KHDRBS2: variants seen among roughly 807,000 people sequenced by gnomAD.
KHDRBS2 encodes the protein KH RNA binding domain containing, signal transduction associated 2.
Under a neutral mutation model 44.3 loss-of-function variants are expected in KHDRBS2, and 26 were observed. The ratio of observed to expected loss-of-function variants is 0.59; its 90% CI spans 0.43 to 0.81. The LOEUF is 0.81. KHDRBS2 is among the 40% of genes least tolerant of loss of function. The probability of loss-of-function intolerance (pLI) is 0.00; values close to 1 mark genes in which losing one functional copy is unlikely to be tolerated. For synonymous variants in KHDRBS2, 194 were observed against 151.1 expected, an observed-to-expected ratio of 1.28 and a Z score of -2.08; for missense variants, 476 against 433.1, an observed-to-expected ratio of 1.10 and a Z score of -0.88.
the KHDRBS2 span, among the ~76,000 whole-genome samples, chr6:61,597,773 T>TATATATATATATATACATACAC: frequency 9.4e-5 from 4 of 42,352 alleles, no homozygotes; most frequent in Non-Finnish European, 1.9e-4. Context: ...TATATATATA[T>TATATATATATATATACATACAC]ACACCAAGAT....
chr6:62,146,214 T>C (rs929036761), intron 2 of KHDRBS2, among the ~76,000 whole-genome samples: 34 of 151,856 alleles, frequency 2.2e-4, no homozygotes, highest in African/African-American at 7.0e-4. Context: ...TCATTGATTA[T>C]TGTAAATTAA....
chr6:62,121,424 T>G (rs1807606682), intron 2 of KHDRBS2, among the ~76,000 whole-genome samples: 1 of 152,226 alleles, frequency 6.6e-6, no homozygotes, highest in South Asian at 2.1e-4. Context: ...TCTTGGATAA[T>G]GACAGTACAT....
chr6:61,729,995 A>G (rs1391859707), intron 7 of KHDRBS2, among the ~76,000 whole-genome samples: 2 of 152,192 alleles, frequency 1.3e-5, no homozygotes, highest in Non-Finnish European at 2.9e-5. Context: ...AGCATTGAAC[A>G]CCTGATCTAA....
intron 6 of KHDRBS2, among the ~76,000 whole-genome samples, chr6:61,826,649 A>G (rs1318689793): frequency 6.6e-6 from 1 of 152,094 alleles, no homozygotes; most frequent in Non-Finnish European, 1.5e-5. Context: ...GTATTCGTTA[A>G]TTAGTTATAA....
At chr6:61,868,073 A>C (rs1447835001) in intron 6 of KHDRBS2, among the ~76,000 whole-genome samples, 1 of 152,078 alleles carries the variant, frequency 6.6e-6, no homozygotes, top group African/African-American at 2.4e-5. Flanking sequence ...CAAACAGCAA[A>C]TGTGGCAGCC....
intron 2 of KHDRBS2, among the ~76,000 whole-genome samples, chr6:62,160,826 T>A (rs1258858406): frequency 1.3e-5 from 2 of 152,116 alleles, no homozygotes; most frequent in African/African-American, 4.8e-5. Flanking sequence ...GAAATACATA[T>A]AAAATATTAC....
At chr6:61,901,201 C>T (rs1803945476) in intron 5 of KHDRBS2, 43 bp downstream of exon 5, 1 of 1,592,766 alleles carries the variant, frequency 6.3e-7, no homozygotes, top group Non-Finnish European at 8.5e-7. Context: ...ACAAAAAAGG[C>T]CTGCCATCAT....
intron 1 of KHDRBS2, among the ~76,000 whole-genome samples, chr6:62,180,314 A>T (rs1042080735): frequency 5.9e-5 from 9 of 151,904 alleles, no homozygotes; most frequent in Non-Finnish European, 1.3e-4. Context: ...TCACGTAAAA[A>T]CTATTAGAAC....
intron 7 of KHDRBS2, among the ~76,000 whole-genome samples, chr6:61,713,132 G>C (rs1330834450): frequency 6.6e-6 from 1 of 151,482 alleles, no homozygotes. Context: ...AATATGTGTT[G>C]TATTGTCTTT....
At chr6:62,046,839 A>G (rs1007141464) in intron 3 of KHDRBS2, among the ~76,000 whole-genome samples, 1 of 151,872 alleles carries the variant, frequency 6.6e-6, no homozygotes, top group African/African-American at 2.4e-5. Flanking sequence ...TATCCCAAAG[A>G]AAGGGCTAGT....
At chr6:61,717,521 TA>T (rs1350708093) in intron 7 of KHDRBS2, among the ~76,000 whole-genome samples, 10 of 152,072 alleles carry the variant, frequency 6.6e-5, no homozygotes, top group African/African-American at 2.4e-4. Flanking sequence ...TAACCTTCTG[TA>T]AATTCAATCT....
At chr6:62,213,369 T>C (rs2150146624) in intron 1 of KHDRBS2, among the ~76,000 whole-genome samples, 1 of 151,778 alleles carries the variant, frequency 6.6e-6, no homozygotes, top group African/African-American at 2.4e-5. Flanking sequence ...ATTCTGAGAA[T>C]AGGGGTCTGT....
At position 62,285,880 on chromosome 6, in the gene KHDRBS2, A is replaced by G. The variant is rs1290491465; in HGVS notation, c.69T>C (p.His23=). Residue 23 remains histidine, a synonymous_variant, in exon 1 of 9, where the codon CAT becomes CAC. Coordinates refer to ENST00000281156, the MANE Select transcript of KHDRBS2 (RefSeq NM_152688.4). ...TACCTTCTGCCAAAAGGCGCGACGC[A>G]TGCACAAAAGATGGATCCAGGCTAT... ...EKDSLDPSFV[H]ASRLLAEEIE... 1 of 1,613,378 alleles carries G rather than the reference A, an allele frequency of 6.2e-7. No homozygotes were observed. The highest frequency in any genetic ancestry group is 8.5e-7 in the Non-Finnish European group (1 of 1,179,696).
intron 2 of KHDRBS2, among the ~76,000 whole-genome samples, chr6:62,153,036 G>C (rs1435472045): frequency 1.3e-5 from 2 of 152,200 alleles, no homozygotes; most frequent in Admixed American, 1.3e-4. Context: ...GAACAGCTTG[G>C]AGGGGAAACC....
the KHDRBS2 span, among the ~76,000 whole-genome samples, chr6:61,613,150 C>G: frequency 6.6e-6 from 1 of 152,132 alleles, no homozygotes; most frequent in East Asian, 1.9e-4. Context: ...CTGCACCCAG[C>G]CAAAATGTAG....
At chr6:61,740,390 A>G (rs1445773499) in intron 6 of KHDRBS2, among the ~76,000 whole-genome samples, 8 of 151,928 alleles carry the variant, frequency 5.3e-5, no homozygotes, top group Admixed American at 1.3e-4. Flanking sequence ...AGAAAGGGTC[A>G]GGTCTGAATT....
At chr6:61,878,294 T>C (rs1436291955) in intron 6 of KHDRBS2, among the ~76,000 whole-genome samples, 1 of 151,974 alleles carries the variant, frequency 6.6e-6, no homozygotes, top group Non-Finnish European at 1.5e-5. Context: ...ATTATTAAGT[T>C]TTCTTCTAGG....
intron 3 of KHDRBS2, among the ~76,000 whole-genome samples, chr6:62,009,901 G>C (rs530410364): frequency 6.6e-6 from 1 of 152,204 alleles, no homozygotes; most frequent in African/African-American, 2.4e-5. Flanking sequence ...TCATGTAGAA[G>C]CTCTGCTAGG....
At chr6:62,196,577 T>C (rs1825751172) in intron 1 of KHDRBS2, among the ~76,000 whole-genome samples, 1 of 89,162 alleles carries the variant, frequency 1.1e-5, no homozygotes, top group Non-Finnish European at 2.2e-5. Flanking sequence ...TGTGGTATGG[T>C]CTATCCTTGG....
Sources: allele counts gnomAD v4.1 joint callset (sites outside exome capture counted in the v4.1 genomes callset), GRCh38; gene constraint gnomAD v4.1.1; transcripts MANE v1.5; gene names NCBI Gene and HGNC (gene_info 2026-07-23, HGNC 2026-07-21).